The following FSIP2 variants were observed in gnomAD, a reference collection of about 807,000 sequenced individuals.
FSIP2 encodes fibrous sheath interacting protein 2, also known as fibrous sheath-interacting protein 2.
In FSIP2, 367 loss-of-function variants were observed where a neutral mutation model predicts 510.5. The ratio of observed to expected loss-of-function variants is 0.72; its 90% CI spans 0.66 to 0.78. FSIP2 has a LOEUF of 0.78. FSIP2 is among the 30% of genes least tolerant of loss of function. The probability of loss-of-function intolerance (pLI) is 0.00; values close to 1 mark genes in which losing one functional copy is unlikely to be tolerated. For missense variants in FSIP2, 7,594 were observed against 7,901.7 expected, an observed-to-expected ratio of 0.96 and a Z score of 1.48; for synonymous variants, 2,601 against 2,732.2, an observed-to-expected ratio of 0.95 and a Z score of 1.50.
At position 185,806,235 on chromosome 2, in the gene FSIP2, T is replaced by C. The variant is rs750213526; in HGVS notation, c.16929T>C (p.Asp5643=). The change falls in exon 17 of 23, where the codon GAT becomes GAC. Residue 5643 remains aspartate, a synonymous_variant. Coordinates refer to ENST00000424728, the MANE Select transcript of FSIP2 (RefSeq NM_173651.4). Reference sequence around the variant, plus strand: ...AGAGAAATCTAGGGACTACAACAGATACTTTGGAAATAAGAATTCGAACAT... The same window carrying C: ...AGAGAAATCTAGGGACTACAACAGACACTTTGGAAATAAGAATTCGAACAT... ...KSKRNLGTTT[D]TLEIRIRTSS... 2 of 1,609,896 alleles carry C rather than the reference T, an allele frequency of 1.2e-6. No homozygotes were observed. Among genetic ancestry groups the C allele is most frequent in the East Asian group, 2.2e-5 (1 of 44,698 alleles).
Position 185,803,543 on chromosome 2 carries a change from A to G in FSIP2, c.14237A>G (p.Asp4746Gly). Residue 4746 changes from aspartate (D) to glycine (G), a missense_variant, in exon 17 of 23, where the codon GAT (aspartate) becomes GGT (glycine). Coordinates refer to ENST00000424728, the MANE Select transcript of FSIP2 (RefSeq NM_173651.4). ...ATTTTTGATTTCCAAATTCATCCAGATCTTATAGCAAATCTGCCTTTTAAA... is the reference window on the plus strand; with the variant it reads ...ATTTTTGATTTCCAAATTCATCCAGGTCTTATAGCAAATCTGCCTTTTAAA... The part of the protein sequence containing the change: ...AEIFDFQIHP[D>G]LIANLPFKSH... The G allele has an allele frequency of 6.5e-7, 1 of 1,533,198 alleles. No individual in the cohort carries two copies. The highest frequency in any genetic ancestry group is 8.7e-7 in the Non-Finnish European group (1 of 1,144,970). The allele number at this position is 1,533,198 out of a possible 1,614,324, so 95.0% of individuals were successfully genotyped here.
chr2:185,750,701 T>C (rs1692129538), intron 7 of FSIP2, among the ~76,000 whole-genome samples: 1 of 151,048 alleles, frequency 6.6e-6, no homozygotes, highest in African/African-American at 2.4e-5. Context: ...ACCCTTCCTC[T>C]TTTCTAATAC....
chr2:185,757,591 C>T (rs1692267826), intron 9 of FSIP2, among the ~76,000 whole-genome samples: 19 of 151,256 alleles, frequency 1.3e-4, no homozygotes, highest in Admixed American at 1.3e-3. Context: ...ATAATCAGGT[C>T]TTCCTGGTTT....
intron 17 of FSIP2, among the ~76,000 whole-genome samples, chr2:185,809,646 C>G (rs911761661): frequency 6.6e-6 from 1 of 152,054 alleles, no homozygotes; most frequent in African/African-American, 2.4e-5. Flanking sequence ...GGACTGCCAA[C>G]TCTTAGATTA....
rs528832499 is a variant in FSIP2 at position 185,743,335 on chromosome 2, T to A, written c.387+41T>A. On this transcript the variant is annotated intron_variant, in intron 3 of 22. Transcript: ENST00000424728. ...CTTCTTTTTTTAATCAATGAAACCC[T>A]TTAAAACTTGATATAAACTTGTTTC... 82 of 1,352,518 alleles carry A rather than the reference T, an allele frequency of 6.1e-5. No individual in the cohort carries two copies. In the East Asian group the frequency reaches 2.2e-3, roughly 36 times the overall value. The allele number at this position is 1,352,518 out of a possible 1,614,324, so 83.8% of individuals were successfully genotyped here.
chr2:185,738,831 C>T lies in FSIP2; in HGVS notation c.-64C>T, dbSNP rs1691851776. ...TCCTGGTCAGGTCCGGACAGAGGGACAACGGGGTGCTAGAGAAGGAGAGCG... is the reference window on the plus strand; with the variant it reads ...TCCTGGTCAGGTCCGGACAGAGGGATAACGGGGTGCTAGAGAAGGAGAGCG... On this transcript the variant is annotated 5_prime_UTR_variant, in exon 1 of 23. Coordinates refer to ENST00000424728, the MANE Select transcript of FSIP2 (RefSeq NM_173651.4). 1 of 1,535,636 alleles carries T rather than the reference C, an allele frequency of 6.5e-7. No individual in the cohort carries two copies. Among genetic ancestry groups the T allele is most frequent in the Admixed American group, 2.0e-5 (1 of 50,968 alleles).
rs148794655 is a variant in FSIP2, at chr2:185,753,599, C to A, written c.871-123C>A. On this transcript the variant is annotated intron_variant, in intron 7 of 22. Transcript: ENST00000424728. ...CCCTTACTACTCTCTTATTTTTGTA[C>A]CATTACAAATCAAGACAGGACTGAT... 2.2e-3 allele frequency: 1,102 copies of A among 493,526 alleles called. 4 individuals are homozygous for A. The highest frequency in any genetic ancestry group is 8.2e-3 in the Admixed American group (199 of 24,194). 30.6% of individuals were successfully genotyped at this position (493,526 alleles called of 1,614,324 possible).
rs1693504585 is a variant in FSIP2 at position 185,804,087 on chromosome 2, T to C, written c.14781T>C (p.Tyr4927=). Residue 4927 remains tyrosine, a synonymous_variant, in exon 17 of 23, where the codon TAT becomes TAC. Coordinates refer to ENST00000424728, the MANE Select transcript of FSIP2 (RefSeq NM_173651.4). ...TTTTGGCAGCAGTTGATCAAACTTA[T>C]AAATTGAAAGCAATAGATCCTAAAC... ...TLLLAAVDQT[Y]KLKAIDPKQR... 1 of 1,527,996 alleles carries C rather than the reference T, an allele frequency of 6.5e-7. No homozygotes were observed. Among genetic ancestry groups the C allele is most frequent in the East Asian group, 2.5e-5 (1 of 40,682 alleles). The allele number at this position is 1,527,996 out of a possible 1,614,324, so 94.7% of individuals were successfully genotyped here. A position where few individuals can be genotyped will look rare whatever the true frequency, so the allele number is the denominator to read the frequency against.
chr2:185,805,588 A>G lies in FSIP2; in HGVS notation c.16282A>G (p.Thr5428Ala), dbSNP rs745951702. 6.2e-7 allele frequency: 1 copy of G among 1,609,692 alleles called. No homozygotes were observed. The highest frequency in any genetic ancestry group is 1.1e-5 in the South Asian group (1 of 90,522). Residue 5428 changes from threonine to alanine, a missense_variant, in exon 17 of 23, where the codon ACA becomes GCA. Thr to Ala is a moderately conservative substitution (Grantham distance 58). Coordinates refer to ENST00000424728, the MANE Select transcript of FSIP2 (RefSeq NM_173651.4). ...RVQHLPQNTF[T>A]QISRCAKENQ... ...TCAACACCTACCACAAAACACCTTT[A>G]CACAAATAAGCAGATGTGCAAAAGA...
At position 185,790,509 on chromosome 2, in the gene FSIP2, C is replaced by T. The variant is rs1382584308; in HGVS notation, c.3373C>T (p.Pro1125Ser). The change falls in exon 16 of 23, where the codon CCT (proline) becomes TCT (serine). Residue 1125 changes from proline to serine, a missense_variant. Coordinates refer to ENST00000424728, the MANE Select transcript of FSIP2 (RefSeq NM_173651.4). ...AATGCTCAAGGACATATCTTCCGTT[C>T]CTTTTGGTCACTTAGACAGCAAAAC... ...KEMLKDISSV[P>S]FGHLDSKTGS... 2.6e-6 allele frequency: 4 copies of T among 1,534,184 alleles called. No homozygotes were observed. The East Asian group carries it at 9.8e-5, about 38-fold the overall frequency.
chr2:185,822,086 A>G (rs1479621301), intron 19 of FSIP2, among the ~76,000 whole-genome samples: 2 of 152,008 alleles, frequency 1.3e-5, no homozygotes, highest in African/African-American at 2.4e-5. Flanking sequence ...TGTTAAGGTC[A>G]TATATGAAAC....
Position 185,795,801 on chromosome 2 carries a change from G to A in FSIP2, c.8665G>A (p.Glu2889Lys). 6.5e-7 allele frequency: 1 copy of A among 1,533,952 alleles called. No individual in the cohort carries two copies. ...SLSLLNLPPL[E>K]NCESRFYNHF... ...TTCACTTTTAAATTTGCCCCCTCTT[G>A]AGAATTGTGAAAGCAGGTTTTATAA... is the stretch of plus-strand genomic sequence containing the variant. Residue 2889 changes from glutamate to lysine, a missense_variant, in exon 16 of 23, where the codon GAG (glutamate) becomes AAG (lysine). Glu to Lys is a moderately conservative substitution (Grantham distance 56). Transcript: ENST00000424728.
chr2:185,745,704 T>A, intron 5 of FSIP2, 136 bp downstream of exon 5: 1 of 785,726 alleles, frequency 1.3e-6, no homozygotes, highest in Non-Finnish European at 1.8e-6. Flanking sequence ...AGGAAGGAAG[T>A]GAAACCAAGA....
rs745401205 is a variant in FSIP2, at chr2:185,747,326, A to T, written c.773A>T (p.Lys258Ile). ...TGTGATTTCTAGGAATGGAAGACAA[A>T]AGAGATGTTACTTCTGACAAGGATG... ...RRKIEEEWKT[K>I]EMLLLTRMAE... Residue 258 changes from lysine (K) to isoleucine (I), a missense_variant, in exon 7 of 23, where the codon AAA becomes ATA. Coordinates refer to ENST00000424728, the MANE Select transcript of FSIP2 (RefSeq NM_173651.4). The T allele has an allele frequency of 8.5e-6, 13 of 1,522,364 alleles. No individual in the cohort carries two copies. The highest frequency in any genetic ancestry group is 1.1e-5 in the Non-Finnish European group (12 of 1,134,486). 94.3% of individuals were successfully genotyped at this position (1,522,364 alleles called of 1,614,324 possible). A position where few individuals can be genotyped will look rare whatever the true frequency, so the allele number is the denominator to read the frequency against.
intron 19 of FSIP2, among the ~76,000 whole-genome samples, chr2:185,816,389 A>C (rs1484003243): frequency 1.3e-5 from 2 of 152,034 alleles, no homozygotes; most frequent in African/African-American, 4.8e-5. Flanking sequence ...GGCATAAATA[A>C]TACTAAATAA....
rs114059375 is a variant in FSIP2 at position 185,791,173 on chromosome 2, C to T, written c.4037C>T (p.Thr1346Met). Residue 1346 changes from threonine (T) to methionine (M), a missense_variant, in exon 16 of 23, where the codon ACG becomes ATG. Physicochemically the swap from Thr to Met is moderately conservative, Grantham distance 81 (BLOSUM62 -1). Transcript: ENST00000424728. ...NTDKKLESLV[T>M]SIDDDILASP... ...GATAAAAAATTAGAATCTCTTGTCACGAGTATTGATGATGACATTTTGGCG... is the reference window on the plus strand; with the variant it reads ...GATAAAAAATTAGAATCTCTTGTCATGAGTATTGATGATGACATTTTGGCG... 3,892 of 1,533,512 alleles carry T rather than the reference C, an allele frequency of 2.5e-3. 79 individuals are homozygous for T. The African/African-American group carries it at 0.043, about 17-fold the overall frequency. 95.0% of individuals were successfully genotyped at this position (1,533,512 alleles called of 1,614,324 possible).
chr2:185,751,461 C>CTGTGTGTGTGTGTGTGTG (rs56395901), intron 7 of FSIP2, among the ~76,000 whole-genome samples: 2 of 135,874 alleles, frequency 1.5e-5, no homozygotes, highest in East Asian at 2.2e-4. Flanking sequence ...CTTTATTTTT[C>CTGTGTGTGTGTGTGTGTG]TGTGTGTGTG....
At chr2:185,749,234 T>C (rs1217942168) in intron 7 of FSIP2, among the ~76,000 whole-genome samples, 1 of 151,944 alleles carries the variant, frequency 6.6e-6, no homozygotes, top group Non-Finnish European at 1.5e-5. Flanking sequence ...TAGGTCAGTT[T>C]GGGCACAATT....
intron 7 of FSIP2, among the ~76,000 whole-genome samples, chr2:185,748,856 G>T (rs1034125087): frequency 2.6e-5 from 4 of 152,018 alleles, no homozygotes; most frequent in African/African-American, 9.7e-5. Flanking sequence ...TTGTTTTACT[G>T]TAAGAAATTT....
Sources: allele counts gnomAD v4.1 joint callset (sites outside exome capture counted in the v4.1 genomes callset), GRCh38; gene constraint gnomAD v4.1.1; transcripts MANE v1.5; gene names NCBI Gene and HGNC (gene_info 2026-07-23, HGNC 2026-07-21).